Variants in INIP observed in about 807,000 individuals in gnomAD.
The protein encoded by INIP is INTS3 and NABP interacting protein.
A neutral mutation model predicts 14.0 loss-of-function variants in INIP; 9 were observed. That is an observed-to-expected ratio of 0.64 (90% CI 0.39 to 1.12). The LOEUF is 1.12. Ranked by LOEUF, INIP falls within the 50% of genes most tolerant of loss-of-function variation. INIP has a pLI of 0.01. For synonymous variants in INIP, 37 were observed against 41.5 expected (o/e 0.89, Z 0.41); for missense variants, 78 against 122.7 (o/e 0.64, Z 1.72).
chr9:112,696,002 C>T (rs573811264), intron 2 of INIP, among the ~76,000 whole-genome samples: 118 of 152,194 alleles, frequency 7.8e-4, no homozygotes, highest in African/African-American at 2.6e-3. Flanking sequence ...ATCCTCCTGC[C>T]TCAGTCTCCC....
At chr9:112,688,183 T>G (rs1346757486) in intron 4 of INIP, among the ~76,000 whole-genome samples, 2 of 152,174 alleles carry the variant, frequency 1.3e-5, no homozygotes, top group Non-Finnish European at 2.9e-5. Flanking sequence ...TAATACAGAA[T>G]CTGGGTCAAC....
chr9:112,700,642 G>C (rs974816927), intron 2 of INIP, among the ~76,000 whole-genome samples: 2 of 149,936 alleles, frequency 1.3e-5, no homozygotes, highest in Non-Finnish European at 3.0e-5. Context: ...TATATTTGAC[G>C]ATTTTCTACC....
intron 2 of INIP, among the ~76,000 whole-genome samples, chr9:112,702,380 A>G (rs1003751027): frequency 4.6e-5 from 7 of 152,294 alleles, no homozygotes; most frequent in African/African-American, 1.7e-4. Context: ...GAGTTTTTCA[A>G]TGCCCTTCAA....
At chr9:112,713,519 C>A (rs1360930122) in intron 2 of INIP, among the ~76,000 whole-genome samples, 1 of 151,590 alleles carries the variant, frequency 6.6e-6, no homozygotes, top group East Asian at 1.9e-4. Flanking sequence ...AAAGCAAGAC[C>A]CTCTCTCTAC....
Position 112,695,811 on chromosome 9 carries a change from A to AAGAAGAAGG in INIP, c.26-1587_26-1579dup, listed in dbSNP as rs1564227449. 8.1e-4 allele frequency among the ~76,000 whole-genome samples: 78 copies of AAGAAGAAGG among 95,788 alleles called. No homozygotes were observed. In the East Asian group the frequency reaches 0.028, roughly 34 times the overall value. The allele number at this position is 95,788 out of a possible 152,430, so 62.8% of individuals were successfully genotyped here. On this transcript the variant is annotated intron_variant, in intron 2 of 4. Transcript: ENST00000374242. ...GGGGGAGGGGGAGGAGGAGGAGGAG[A>AAGAAGAAGG]AGAAGAAGGAGAAGAAGAAGGAGAA...
chr9:112,716,332 G>A (rs1376574959), intron 2 of INIP, 129 bp downstream of exon 2: 2 of 799,516 alleles, frequency 2.5e-6, no homozygotes, highest in Non-Finnish European at 4.2e-6. Flanking sequence ...GTGAGCCACC[G>A]CTCCCGGCCT....
intron 2 of INIP, among the ~76,000 whole-genome samples, chr9:112,703,985 T>C (rs1233233782): frequency 1.3e-5 from 2 of 152,222 alleles, no homozygotes; most frequent in African/African-American, 4.8e-5. Flanking sequence ...TCTTATTATA[T>C]TAATAACTAG....
At chr9:112,707,696 TTGATTA>T (rs1838524640) in intron 2 of INIP, among the ~76,000 whole-genome samples, 1 of 152,196 alleles carries the variant, frequency 6.6e-6, no homozygotes, top group Admixed American at 6.5e-5. Context: ...GAAAATTATT[TTGATTA>T]TGCAGTTATG....
At chr9:112,715,713 C>T (rs997785038) in intron 2 of INIP, among the ~76,000 whole-genome samples, 1 of 149,336 alleles carries the variant, frequency 6.7e-6, no homozygotes, top group African/African-American at 2.5e-5. Flanking sequence ...GCAGAGGTTG[C>T]AGTGAGCCAA....
intron 2 of INIP, among the ~76,000 whole-genome samples, chr9:112,714,779 G>A (rs2131318966): frequency 6.6e-6 from 1 of 152,292 alleles, no homozygotes; most frequent in African/African-American, 2.4e-5. Context: ...ACCATCATAT[G>A]TTGCTTAACA....
At chr9:112,706,451 A>G (rs1838471620) in intron 2 of INIP, among the ~76,000 whole-genome samples, 1 of 151,902 alleles carries the variant, frequency 6.6e-6, no homozygotes, top group Non-Finnish European at 1.5e-5. Flanking sequence ...ACAGGGCCTC[A>G]CTATGTTGCC....
At chr9:112,698,303 C>CAAAA (rs755265359) in intron 2 of INIP, among the ~76,000 whole-genome samples, 157 of 43,550 alleles carry the variant, frequency 3.6e-3, no homozygotes, top group Middle Eastern at 0.017. Flanking sequence ...GACTCTGTCT[C>CAAAA]AAAAAAAAAA....
intron 3 of INIP, among the ~76,000 whole-genome samples, chr9:112,692,136 G>A (rs1837911084): frequency 6.6e-6 from 1 of 152,220 alleles, no homozygotes; most frequent in Non-Finnish European, 1.5e-5. Context: ...AGAGACCTAG[G>A]CAAGAACATT....
chr9:112,705,632 T>C (rs922051990), intron 2 of INIP, among the ~76,000 whole-genome samples: 1 of 152,188 alleles, frequency 6.6e-6, no homozygotes, highest in African/African-American at 2.4e-5. Flanking sequence ...AAAAATTTTA[T>C]TTTAGAACTT....
At chr9:112,716,435 A>T (rs779796387) in intron 2 of INIP, 26 bp downstream of exon 2, 1 of 1,605,838 alleles carries the variant, frequency 6.2e-7, no homozygotes, top group Non-Finnish European at 8.5e-7. Context: ...AAATGTTCAT[A>T]GTAAAGAAAT....
chr9:112,706,459 G>A (rs562901893), intron 2 of INIP, among the ~76,000 whole-genome samples: 24 of 151,218 alleles, frequency 1.6e-4, no homozygotes, highest in Non-Finnish European at 7.4e-5. Context: ...TCACTATGTT[G>A]CCCAGGCTCA....
chr9:112,703,695 A>G (rs925104472), intron 2 of INIP, among the ~76,000 whole-genome samples: 1 of 152,206 alleles, frequency 6.6e-6, no homozygotes, highest in Non-Finnish European at 1.5e-5. Context: ...CTTCCACCTC[A>G]GCCTCCCAAA....
At chr9:112,698,844 C>G (rs750326156) in intron 2 of INIP, among the ~76,000 whole-genome samples, 14 of 152,182 alleles carry the variant, frequency 9.2e-5, no homozygotes, top group Admixed American at 2.0e-4. Flanking sequence ...CACAGTGACT[C>G]TCATATAATA....
intron 2 of INIP, among the ~76,000 whole-genome samples, chr9:112,695,510 G>T (rs1024371623): frequency 1.3e-5 from 2 of 151,952 alleles, no homozygotes; most frequent in African/African-American, 4.8e-5. Flanking sequence ...GGCTGTAGAA[G>T]GAGTATTCAT....
Sources: gnomAD v4.1 joint callset for allele counts (sites outside exome capture counted in the v4.1 genomes callset) on GRCh38, gnomAD v4.1.1 for gene constraint, MANE v1.5 for transcripts, NCBI Gene and HGNC (gene_info 2026-07-23, HGNC 2026-07-21) for gene names.